MAGI2: variants seen among roughly 807,000 people sequenced by gnomAD.
The protein encoded by MAGI2 is membrane-associated guanylate kinase, WW and PDZ domain-containing protein 2.
MAGI2 carries 35 observed loss-of-function variants against 133.3 expected under a neutral mutation model. The observed-to-expected ratio is 0.26, with a 90% confidence interval of 0.20 to 0.35. The LOEUF (loss-of-function observed/expected upper bound fraction) is 0.35, where lower values mean the gene tolerates loss of function less well. Ranked by LOEUF, MAGI2 falls within the 10% of genes least tolerant of loss-of-function variation. The probability of loss-of-function intolerance (pLI) is 1.00; values close to 1 mark genes in which losing one functional copy is unlikely to be tolerated. For synonymous variants in MAGI2, 729 were observed against 710.6 expected (o/e 1.03, Z -0.41); for missense variants, 1,636 against 1,863.4 (o/e 0.88, Z 2.25).
At chr7:79,293,566 G>T (rs758186321) in intron 1 of MAGI2, among the ~76,000 whole-genome samples, 16 of 151,622 alleles carry the variant, frequency 1.1e-4, no homozygotes, top group Admixed American at 3.9e-4. Flanking sequence ...TATTTGTCTG[G>T]CACCTATGTG....
At chr7:78,139,394 A>T (rs1322220357) in intron 16 of MAGI2, among the ~76,000 whole-genome samples, 2 of 152,186 alleles carry the variant, frequency 1.3e-5, no homozygotes, top group African/African-American at 4.8e-5. Context: ...GTGCTCAGAG[A>T]GGATTCTCTC....
At chr7:79,218,894 A>G (rs1174740330) in intron 1 of MAGI2, among the ~76,000 whole-genome samples, 2 of 152,130 alleles carry the variant, frequency 1.3e-5, no homozygotes, top group Non-Finnish European at 2.9e-5. Context: ...TGTAATGTGT[A>G]AAAGTTACAT....
rs1340410451 is a variant in MAGI2, at chr7:78,019,381, C to G, written c.4302G>C (p.Trp1434Cys). ...ARKAAVAPGP[W>C]KVPGSDKLPS... ...GCAGCTTGTCAGAACCCGGCACCTT[C>G]CAGGGCCCCGGCGCGACGGCGGCCT... Residue 1434 changes from tryptophan to cysteine, a missense_variant, in exon 22 of 22, where the codon TGG (tryptophan) becomes TGC (cysteine). By Grantham distance (215) the Trp-to-Cys change is radical. Around this residue, in one of 5 missense-constraint regions of MAGI2, gnomAD observed 354 missense variants for 298.7 expected, o/e 1.19. Transcript: ENST00000354212. 7.6e-7 allele frequency: 1 copy of G among 1,312,614 alleles called. No individual in the cohort carries two copies. The highest frequency in any genetic ancestry group is 9.7e-7 in the Non-Finnish European group (1 of 1,034,312). 81.3% of individuals were successfully genotyped at this position (1,312,614 alleles called of 1,614,324 possible).
chr7:79,170,137 C>CTTTTT lies in MAGI2; in HGVS notation c.302-162936_302-162932dup, dbSNP rs10539344. ...TCAATGGTTACTTTGAGATATTATA[C>CTTTTT]TTTTTTTTTTTTTTTTTTTTTTTTT... On this transcript the variant is annotated intron_variant, in intron 1 of 21. Coordinates refer to ENST00000354212, the MANE Select transcript of MAGI2 (RefSeq NM_012301.4). Among the ~76,000 whole-genome samples the CTTTTT allele has an allele frequency of 4.0e-4, 17 of 42,948 alleles. 1 individual carries two copies. Among genetic ancestry groups the CTTTTT allele is most frequent in the African/African-American group, 1.3e-3 (15 of 11,604 alleles). 28.2% of individuals were successfully genotyped at this position (42,948 alleles called of 152,430 possible).
intron 1 of MAGI2, among the ~76,000 whole-genome samples, chr7:79,148,066 T>C (rs972453479): frequency 5.3e-5 from 8 of 152,180 alleles, no homozygotes; most frequent in Non-Finnish European, 1.2e-4. Flanking sequence ...AGAACTTTTC[T>C]TATGGAAGAA....
At chr7:79,399,181 G>A (rs1212189046) in intron 1 of MAGI2, among the ~76,000 whole-genome samples, 2 of 145,380 alleles carry the variant, frequency 1.4e-5, no homozygotes, top group East Asian at 4.0e-4. Context: ...TGCAAACTCT[G>A]CCTCCCCGGT....
chr7:78,129,592 A>C (rs1176395968), intron 18 of MAGI2, among the ~76,000 whole-genome samples: 1 of 152,176 alleles, frequency 6.6e-6, no homozygotes, highest in Non-Finnish European at 1.5e-5. Flanking sequence ...TGGTATGAAA[A>C]AGTTCCAGAA....
chr7:78,251,576 G>C (rs1351885031), intron 10 of MAGI2: 1 of 152,016 alleles, frequency 6.6e-6, no homozygotes, highest in East Asian at 1.9e-4. Context: ...CTATATATTA[G>C]CAATAAACAA....
intron 20 of MAGI2, among the ~76,000 whole-genome samples, chr7:78,113,341 T>A (rs988572413): frequency 7.2e-5 from 11 of 152,100 alleles, no homozygotes; most frequent in African/African-American, 2.7e-4. Flanking sequence ...CAAGTTGATT[T>A]GTATTTGAAA....
intron 1 of MAGI2, among the ~76,000 whole-genome samples, chr7:79,117,604 T>C (rs1562908064): frequency 6.6e-6 from 1 of 152,204 alleles, no homozygotes; most frequent in African/African-American, 2.4e-5. Flanking sequence ...AGAAACAGCA[T>C]CTTTCCCAGA....
intron 1 of MAGI2, among the ~76,000 whole-genome samples, chr7:79,347,292 A>T (rs147311917): frequency 6.6e-6 from 1 of 152,038 alleles, no homozygotes; most frequent in Admixed American, 6.6e-5. Flanking sequence ...AATTCTTTAT[A>T]ATTTTATTAA....
chr7:79,232,324 G>T (rs1303700689), intron 1 of MAGI2, among the ~76,000 whole-genome samples: 4 of 142,482 alleles, frequency 2.8e-5, no homozygotes, highest in Non-Finnish European at 6.1e-5. Flanking sequence ...AGTTAGGGAG[G>T]ATTCCCTCTT....
At chr7:78,320,553 C>T (rs1326867410) in intron 9 of MAGI2, among the ~76,000 whole-genome samples, 1 of 152,080 alleles carries the variant, frequency 6.6e-6, no homozygotes, top group Non-Finnish European at 1.5e-5. Flanking sequence ...GCAGAAAAGG[C>T]CTTTGACAAA....
chr7:79,168,729 T>C (rs1243574119), intron 1 of MAGI2, among the ~76,000 whole-genome samples: 2 of 151,900 alleles, frequency 1.3e-5, no homozygotes, highest in Admixed American at 6.6e-5. Flanking sequence ...GGAGATACAG[T>C]TTAAACATTC....
intron 2 of MAGI2, among the ~76,000 whole-genome samples, chr7:78,747,886 C>T (rs564609907): frequency 6.6e-5 from 10 of 152,194 alleles, no homozygotes; most frequent in Admixed American, 2.6e-4. Context: ...TAAGTTTCTA[C>T]GTGAAGAGTT....
intron 2 of MAGI2, among the ~76,000 whole-genome samples, chr7:78,889,347 G>A (rs1476046771): frequency 1.3e-5 from 2 of 152,168 alleles, no homozygotes; most frequent in African/African-American, 4.8e-5. Flanking sequence ...TAGCAAGGCA[G>A]GCCAACATTC....
At chr7:78,600,409 A>G (rs778006884) in intron 3 of MAGI2, among the ~76,000 whole-genome samples, 4 of 152,196 alleles carry the variant, frequency 2.6e-5, no homozygotes, top group Admixed American at 6.5e-5. Context: ...TAAAATATAG[A>G]TATTCTATCC....
chr7:79,328,440 A>T (rs1352486842), intron 1 of MAGI2, among the ~76,000 whole-genome samples: 2 of 152,178 alleles, frequency 1.3e-5, no homozygotes, highest in Admixed American at 1.3e-4. Flanking sequence ...AATATTTATA[A>T]CTACCAATTA....
At chr7:78,831,674 T>C (rs1584068980) in intron 2 of MAGI2, among the ~76,000 whole-genome samples, 1 of 152,348 alleles carries the variant, frequency 6.6e-6, no homozygotes, top group South Asian at 2.1e-4. Context: ...ACTTTCTACT[T>C]CTCCCAGCCT....
Sources: gnomAD v4.1 joint callset for allele counts (sites outside exome capture counted in the v4.1 genomes callset) on GRCh38, gnomAD v4.1.1 for gene constraint, gnomAD v4.1.1 regional missense constraint, MANE v1.5 for transcripts, NCBI Gene and HGNC (gene_info 2026-07-23, HGNC 2026-07-21) for gene names.